Variants in IRS1 observed in about 807,000 individuals in gnomAD.
IRS1 encodes the protein insulin receptor substrate 1.
In IRS1, 34 loss-of-function variants were observed where a neutral mutation model predicts 65.6. The observed-to-expected ratio is 0.52, with a 90% CI of 0.39 to 0.69. The LOEUF is 0.69. Ranked by LOEUF, IRS1 falls within the 30% of genes least tolerant of loss-of-function variation. The probability of loss-of-function intolerance (pLI) is 0.00; values close to 1 mark genes in which losing one functional copy is unlikely to be tolerated. For missense variants in IRS1, 1,641 were observed against 1,720.2 expected (o/e 0.95, Z 0.81); for synonymous variants, 699 against 683.5 (o/e 1.02, Z -0.35).
chr2:226,767,873 T>C (rs1939086514), intron 1 of IRS1, among the ~76,000 whole-genome samples: 3 of 152,282 alleles, frequency 2.0e-5, no homozygotes, highest in Admixed American at 1.3e-4. Context: ...AAGAAGTCCA[T>C]GTCCCTCTAG....
In IRS1 at chr2:226,746,893, G is replaced by A. The variant is rs979375511; in HGVS notation, c.*22-10643C>T. On this transcript the variant is annotated intron_variant, in intron 1 of 1. Coordinates refer to ENST00000305123, the MANE Select transcript of IRS1 (RefSeq NM_005544.3). Reference sequence around the variant, plus strand: ...CAACTTCTGCCTCCCAGGTTGGAGCGATTCTCCTGCCTCAGCCTCCCAAGT... The same window carrying A: ...CAACTTCTGCCTCCCAGGTTGGAGCAATTCTCCTGCCTCAGCCTCCCAAGT... Among the ~76,000 whole-genome samples the A allele has an allele frequency of 2.0e-5, 3 of 150,466 alleles. No homozygotes were observed. In the East Asian group the frequency reaches 5.9e-4, roughly 30 times the overall value.
chr2:226,791,445 G>A (rs1019977935), intron 1 of IRS1, among the ~76,000 whole-genome samples: 4 of 152,210 alleles, frequency 2.6e-5, no homozygotes, highest in Admixed American at 2.6e-4. Flanking sequence ...GAGCAAGTGT[G>A]TGTTTCCGGC....
In IRS1 at chr2:226,734,366, A is replaced by C. The variant is rs545849684; in HGVS notation, c.*1906T>G. On this transcript the variant is annotated 3_prime_UTR_variant, in exon 2 of 2. Transcript: ENST00000305123. ...AAATTGATGAGCATGCAAATGATTA[A>C]AATCTGCAATAACGGACACTGCACA... is the stretch of plus-strand genomic sequence containing the variant. 1 of 152,366 alleles carries C rather than the reference A, an allele frequency of 6.6e-6. No homozygotes were observed. The highest frequency in any genetic ancestry group is 2.1e-4 in the South Asian group (1 of 4,826). The allele number at this position is 152,366 out of a possible 1,614,324, so 9.4% of individuals were successfully genotyped here.
rs77132166 is a variant in IRS1 at position 226,755,317 on chromosome 2, A to G, written c.*22-19067T>C. ...CCAGTGTTTACATTCTTAGACATCC[A>G]CTTTTTAAAAATATTCCCTCTGTAG... On this transcript the variant is annotated intron_variant, in intron 1 of 1. Transcript: ENST00000305123. 4.7e-4 allele frequency among the ~76,000 whole-genome samples: 72 copies of G among 152,336 alleles called. 1 individual carries two copies. The East Asian group carries it at 0.013, about 27-fold the overall frequency.
At chr2:226,740,177 G>A (rs996459470) in intron 1 of IRS1, among the ~76,000 whole-genome samples, 1 of 152,170 alleles carries the variant, frequency 6.6e-6, no homozygotes, top group African/African-American at 2.4e-5. Context: ...CATCATTGGG[G>A]AATAACTTCT....
intron 1 of IRS1, among the ~76,000 whole-genome samples, chr2:226,777,660 A>T (rs1939299571): frequency 6.6e-6 from 1 of 152,128 alleles, no homozygotes; most frequent in African/African-American, 2.4e-5. Flanking sequence ...TGCTCTCATG[A>T]TAGTGAATGA....
rs892420946 is a variant in IRS1, at chr2:226,799,222, G to A, written c.-484C>T. Reference sequence around the variant, plus strand: ...AGGCAAATTAAATATCCTTGGGCAGGGGGAGGCGGGTTGCCAAGTCCCAAC... The same window carrying A: ...AGGCAAATTAAATATCCTTGGGCAGAGGGAGGCGGGTTGCCAAGTCCCAAC... On this transcript the variant is annotated 5_prime_UTR_variant, in exon 1 of 2. Transcript: ENST00000305123. This position sits in a 1 kb window ranked among gnomAD's most constrained non-coding sequence, Gnocchi z 6.1. The A allele has an allele frequency of 8.9e-7, 1 of 1,118,908 alleles. No individual in the cohort carries two copies. The highest frequency in any genetic ancestry group is 1.1e-6 in the Non-Finnish European group (1 of 898,464). The allele number at this position is 1,118,908 out of a possible 1,614,324, so 69.3% of individuals were successfully genotyped here.
intron 1 of IRS1, among the ~76,000 whole-genome samples, chr2:226,761,500 C>A (rs748010567): frequency 4.5e-4 from 68 of 152,274 alleles, no homozygotes; most frequent in Admixed American, 2.7e-3. Context: ...CTCTCTGATA[C>A]TTTCCTACTT....
Position 226,792,887 on chromosome 2 carries a change from T to C in IRS1, c.*21+2102A>G, listed in dbSNP as rs184050334. Among the ~76,000 whole-genome samples, 3 of 152,340 alleles carry C rather than the reference T, an allele frequency of 2.0e-5. No homozygotes were observed. In the East Asian group the frequency reaches 5.8e-4, roughly 29 times the overall value. ...ACAGGCAAGCAAGCAGAATTGAGGA[T>C]GTAAATGTGCCAGGTAGCATTTGGT... On this transcript the variant is annotated intron_variant, in intron 1 of 1. Coordinates refer to ENST00000305123, the MANE Select transcript of IRS1 (RefSeq NM_005544.3).
Position 226,798,072 on chromosome 2 carries a change from T to C in IRS1, c.667A>G (p.Ile223Val). 3.1e-6 allele frequency: 5 copies of C among 1,614,010 alleles called. No homozygotes were observed. The highest frequency in any genetic ancestry group is 4.2e-6 in the Non-Finnish European group (5 of 1,180,000). ...RCGHSENFFF[I>V]EVGRSAVTGP... ...GTCACGGCAGAACGGCCCACCTCGA[T>C]GAAGAAGAAGTTTTCCGAGTGGCCA... Residue 223 changes from isoleucine to valine, a missense_variant, in exon 1 of 2, where the codon ATC becomes GTC. Transcript: ENST00000305123. The surrounding 1 kb of genome is among the most constrained non-coding windows in gnomAD (Gnocchi z 9.4).
At chr2:226,766,124 TATATATA>T (rs1939027493) in intron 1 of IRS1, among the ~76,000 whole-genome samples, 1 of 3,584 alleles carries the variant, frequency 2.8e-4, no homozygotes, top group Non-Finnish European at 5.7e-4. Flanking sequence ...CTTAATCTTA[TATATATA>T]TATATATATA....
At chr2:226,763,012 G>A (rs1306824776) in intron 1 of IRS1, among the ~76,000 whole-genome samples, 10 of 152,074 alleles carry the variant, frequency 6.6e-5, no homozygotes, top group Non-Finnish European at 1.2e-4. Flanking sequence ...ACTCATTTGG[G>A]AACATTTATA....
intron 1 of IRS1, among the ~76,000 whole-genome samples, chr2:226,764,470 G>A (rs1938988293): frequency 6.6e-6 from 1 of 152,232 alleles, no homozygotes; most frequent in East Asian, 1.9e-4. Context: ...TCAAGTCGAG[G>A]AGTGCGAGGC....
At chr2:226,791,026 T>G (rs1939582497) in intron 1 of IRS1, among the ~76,000 whole-genome samples, 1 of 152,194 alleles carries the variant, frequency 6.6e-6, no homozygotes, top group Non-Finnish European at 1.5e-5. Flanking sequence ...TCTCAGGATC[T>G]GCAAGCTGCA....
At chr2:226,763,328 C>A (rs2106167792) in intron 1 of IRS1, among the ~76,000 whole-genome samples, 1 of 152,196 alleles carries the variant, frequency 6.6e-6, no homozygotes, top group African/African-American at 2.4e-5. Context: ...TTTCTACAGT[C>A]TTGAATTACA....
intron 1 of IRS1, among the ~76,000 whole-genome samples, chr2:226,738,327 C>A (rs1377547598): frequency 6.6e-6 from 1 of 152,152 alleles, no homozygotes; most frequent in Non-Finnish European, 1.5e-5. Flanking sequence ...CCTCTGTCTC[C>A]TCTTGAAGGG....
chr2:226,748,901 A>C (rs1413361995), intron 1 of IRS1, among the ~76,000 whole-genome samples: 1 of 152,208 alleles, frequency 6.6e-6, no homozygotes, highest in Non-Finnish European at 1.5e-5. Flanking sequence ...GTTAAATACC[A>C]GGGTTTTCAG....
chr2:226,756,247 T>C (rs552100137), intron 1 of IRS1, among the ~76,000 whole-genome samples: 7 of 152,322 alleles, frequency 4.6e-5, no homozygotes, highest in Non-Finnish European at 7.4e-5. Flanking sequence ...CACCAACTCA[T>C]CTGACTGAAA....
intron 1 of IRS1, among the ~76,000 whole-genome samples, chr2:226,766,561 T>C (rs1469586307): frequency 6.6e-6 from 1 of 152,196 alleles, no homozygotes; most frequent in East Asian, 1.9e-4. Flanking sequence ...AGATCTTTAC[T>C]GGTCATTGAC....
Sources: gnomAD v4.1 joint callset for allele counts (sites outside exome capture counted in the v4.1 genomes callset) on GRCh38, gnomAD v4.1.1 for gene constraint, Gnocchi (gnomAD v3.1) non-coding constraint, MANE v1.5 for transcripts, NCBI Gene and HGNC (gene_info 2026-07-23, HGNC 2026-07-21) for gene names.